The following AKR1B1 variants were observed in gnomAD, a reference collection of about 807,000 sequenced individuals.
The protein encoded by AKR1B1 is aldo-keto reductase family 1 member B1.
A neutral mutation model predicts 40.4 loss-of-function variants in AKR1B1; 22 were observed. The observed-to-expected ratio is 0.54, with a 90% CI of 0.39 to 0.78. The LOEUF is 0.78. Among genes scored for constraint, AKR1B1 ranks in the 30% least tolerant of loss-of-function variants. AKR1B1 has a pLI of 0.00. For synonymous variants in AKR1B1, 157 were observed against 149.9 expected, an observed-to-expected ratio of 1.05 and a Z score of -0.35; for missense variants, 357 against 396.7, an observed-to-expected ratio of 0.90 and a Z score of 0.85.
intron 1 of AKR1B1, among the ~76,000 whole-genome samples, chr7:134,458,002 C>G (rs1453382588): frequency 6.6e-6 from 1 of 152,102 alleles, no homozygotes; most frequent in Non-Finnish European, 1.5e-5. Flanking sequence ...CACAAACAAA[C>G]AAGCAAACAA....
At chr7:134,449,628 CA>C (rs1158434537) in intron 4 of AKR1B1, 91 bp downstream of exon 4, 25 of 1,049,214 alleles carry the variant, frequency 2.4e-5, no homozygotes, top group Non-Finnish European at 3.8e-5. Flanking sequence ...GACAGAATAA[CA>C]AAATGCAATG....
chr7:134,456,592 C>T (rs924040525), intron 1 of AKR1B1, among the ~76,000 whole-genome samples: 1 of 151,746 alleles, frequency 6.6e-6, no homozygotes, highest in Non-Finnish European at 1.5e-5. Context: ...CCCCGCTGCC[C>T]CCACCGTACA....
intron 9 of AKR1B1, 77 bp from the exon 10 acceptor site, chr7:134,442,847 ATG>A: frequency 7.4e-7 from 1 of 1,356,428 alleles, no homozygotes. Context: ...CAGAGAAATG[ATG>A]TGTCTCACTG....
At chr7:134,450,646 C>T in intron 3 of AKR1B1, 140 bp downstream of exon 3, 1 of 759,828 alleles carries the variant, frequency 1.3e-6, no homozygotes. Flanking sequence ...CAGGTGATGC[C>T]AGTGCTGATG....
intron 1 of AKR1B1, among the ~76,000 whole-genome samples, chr7:134,458,418 C>T (rs943934572): frequency 2.0e-5 from 3 of 152,104 alleles, no homozygotes; most frequent in African/African-American, 7.2e-5. Context: ...CAGCTGGGTC[C>T]GGGCAAACTC....
chr7:134,447,425 C>T, intron 7 of AKR1B1, 44 bp from the exon 8 acceptor site: 1 of 1,522,050 alleles, frequency 6.6e-7, no homozygotes, highest in Non-Finnish European at 9.1e-7. Flanking sequence ...ATGCCAGGCA[C>T]TCGCACCCAT....
At chr7:134,450,597 C>T (rs1367152663) in intron 3 of AKR1B1, among the ~76,000 whole-genome samples, 189 bp downstream of exon 3, 2 of 152,206 alleles carry the variant, frequency 1.3e-5, no homozygotes, top group African/African-American at 2.4e-5. Flanking sequence ...ATTCAAATGG[C>T]CTGCGTGGGG....
At chr7:134,459,220 G>A (rs942913888), upstream of AKR1B1, 28 of 882,332 alleles carry the variant, frequency 3.2e-5, no homozygotes, top group East Asian at 4.9e-4. Context: ...GTGCCGCGGC[G>A]GCCTTCCCCA....
In AKR1B1 at chr7:134,449,598, AAG is replaced by A. The variant is rs960381440; in HGVS notation, c.429+120_429+121del. 8 of 859,198 alleles carry A rather than the reference AAG, an allele frequency of 9.3e-6. No homozygotes were observed. The African/African-American group carries it at 1.2e-4, about 13-fold the overall frequency. 53.2% of individuals were successfully genotyped at this position (859,198 alleles called of 1,614,324 possible). On this transcript the variant is annotated intron_variant, in intron 4 of 9. Transcript: ENST00000285930. ...GGAGACCCCAACTCAAAAAAAAAAA[AAG>A]AGAGAGCAAACAACAGGGACAGAAT...
At chr7:134,448,539 G>A (rs2734653) in intron 5 of AKR1B1, 46 bp from the exon 6 acceptor site, 339,918 of 1,422,446 alleles carry the variant, frequency 0.24, 46,534 homozygotes, top group East Asian at 0.62. Flanking sequence ...GTGGCTACAC[G>A]CTGATGGGAC....
chr7:134,449,345 G>T (rs1022367130), intron 4 of AKR1B1: 3 of 610,910 alleles, frequency 4.9e-6, no homozygotes, highest in Non-Finnish European at 8.8e-6. Flanking sequence ...CCAGCACTTT[G>T]GGAGGCTGAG....
chr7:134,449,403 G>A (rs536478605), intron 4 of AKR1B1: 186 of 554,574 alleles, frequency 3.4e-4, no homozygotes, highest in East Asian at 2.2e-3. Context: ...TGGCTAACAC[G>A]GTGAAACCCC....
At chr7:134,447,879 G>C (rs1198312776) in intron 7 of AKR1B1, 101 bp downstream of exon 7, 2 of 1,043,602 alleles carry the variant, frequency 1.9e-6, no homozygotes, top group African/African-American at 3.2e-5. Flanking sequence ...CATACTTCCT[G>C]TGAGGGTGTA....
At chr7:134,457,962 T>G (rs1806521953) in intron 1 of AKR1B1, among the ~76,000 whole-genome samples, 1 of 152,146 alleles carries the variant, frequency 6.6e-6, no homozygotes, top group East Asian at 1.9e-4. Context: ...ATTGTGCCAC[T>G]GCACCCCAGC....
At chr7:134,449,463 T>C (rs1806217277) in intron 4 of AKR1B1, 3 of 575,444 alleles carry the variant, frequency 5.2e-6, no homozygotes, top group South Asian at 2.0e-5. Context: ...GGCGGGCACC[T>C]GTAGTCCCAG....
chr7:134,447,359 T>A lies in AKR1B1; in HGVS notation c.764A>T (p.Gln255Leu). The A allele has an allele frequency of 1.9e-6, 3 of 1,614,102 alleles. No individual in the cohort carries two copies. Among genetic ancestry groups the A allele is most frequent in the Non-Finnish European group, 2.5e-6 (3 of 1,179,994 alleles). Reference sequence around the variant, plus strand: ...CTTGGGGATCACCACCAAGTTCCTCTGCATGGGGAACCGGATCAGGACCTG... The same window carrying A: ...CTTGGGGATCACCACCAAGTTCCTCAGCATGGGGAACCGGATCAGGACCTG... ...TAQVLIRFPM[Q>L]RNLVVIPKSV... The change falls in exon 8 of 10, where the codon CAG (glutamine) becomes CTG (leucine). Residue 255 changes from glutamine to leucine, a missense_variant. By Grantham distance (113) the Gln-to-Leu change is moderately radical (BLOSUM62 -2). Transcript: ENST00000285930.
chr7:134,446,903 T>G (rs1806115028), intron 8 of AKR1B1, among the ~76,000 whole-genome samples: 1 of 152,236 alleles, frequency 6.6e-6, no homozygotes, highest in African/African-American at 2.4e-5. Context: ...GATATTATTT[T>G]ATAGATAGGG....
At chr7:134,455,734 C>T (rs1048505876) in intron 1 of AKR1B1, among the ~76,000 whole-genome samples, 1 of 146,702 alleles carries the variant, frequency 6.8e-6, no homozygotes, top group Non-Finnish European at 1.5e-5. Flanking sequence ...CAGGCACCCA[C>T]CACCATGCCG....
At chr7:134,456,017 CA>C (rs1806458947) in intron 1 of AKR1B1, among the ~76,000 whole-genome samples, 1 of 152,144 alleles carries the variant, frequency 6.6e-6, no homozygotes, top group Non-Finnish European at 1.5e-5. Flanking sequence ...TAGAGACTAC[CA>C]GAGCCCTGCT....
Sources: gnomAD v4.1 joint callset for allele counts (sites outside exome capture counted in the v4.1 genomes callset) on GRCh38, gnomAD v4.1.1 for gene constraint, MANE v1.5 for transcripts, NCBI Gene and HGNC (gene_info 2026-07-23, HGNC 2026-07-21) for gene names.